The following WHRN variants were observed in gnomAD, a reference collection of about 807,000 sequenced individuals.
WHRN encodes whirlin.
WHRN carries 41 observed loss-of-function variants against 68.3 expected under a neutral mutation model. The ratio of observed to expected loss-of-function variants is 0.60; its 90% CI spans 0.47 to 0.78. WHRN has a LOEUF of 0.78. Ranked by LOEUF, WHRN falls within the 30% of genes least tolerant of loss-of-function variation. The pLI is 0.00. For synonymous variants in WHRN, 560 were observed against 561.3 expected (o/e 1.00, Z 0.03); for missense variants, 1,243 against 1,244.7 (o/e 1.00, Z 0.02).
Position 114,486,908 on chromosome 9 carries a change from A to AGAGAGT in WHRN, c.619-8138_619-8137insACTCTC, listed in dbSNP as rs1564217056. 2.7e-3 allele frequency among the ~76,000 whole-genome samples: 91 copies of AGAGAGT among 34,104 alleles called. 4 individuals are homozygous for AGAGAGT. Among genetic ancestry groups the AGAGAGT allele is most frequent in the African/African-American group, 4.9e-3 (90 of 18,344 alleles). The allele number at this position is 34,104 out of a possible 152,430, so 22.4% of individuals were successfully genotyped here. A position where few individuals can be genotyped will look rare whatever the true frequency, so the allele number is the denominator to read the frequency against. On this transcript the variant is annotated intron_variant, in intron 1 of 11. Transcript: ENST00000362057. ...TTAGTGTGTGTGTGTGTGTGTGTAG[A>AGAGAGT]GTGTGTGTGTGTGTGTAGAGTGTGT... is the stretch of plus-strand genomic sequence containing the variant.
intron 7 of WHRN, among the ~76,000 whole-genome samples, chr9:114,414,249 C>T (rs117971768): frequency 6.6e-6 from 1 of 152,288 alleles, no homozygotes; most frequent in Non-Finnish European, 1.5e-5. Flanking sequence ...CACTTCTTGG[C>T]TTCACAGTTA....
intron 1 of WHRN, 78 bp downstream of exon 1, chr9:114,504,106 C>A: frequency 2.5e-6 from 4 of 1,603,768 alleles, no homozygotes; most frequent in Non-Finnish European, 3.4e-6. Context: ...TCTAAGGACA[C>A]ACAGCATGGA....
intron 1 of WHRN, among the ~76,000 whole-genome samples, chr9:114,490,914 C>T (rs1842922063): frequency 6.6e-6 from 1 of 152,204 alleles, no homozygotes; most frequent in African/African-American, 2.4e-5. Flanking sequence ...TGCAATTCTT[C>T]AATTATCCTC....
At chr9:114,492,774 C>T (rs1248982680) in intron 1 of WHRN, among the ~76,000 whole-genome samples, 1 of 151,910 alleles carries the variant, frequency 6.6e-6, no homozygotes, top group Non-Finnish European at 1.5e-5. Context: ...TTGCTTGAGC[C>T]CAAGAGCTCA....
At chr9:114,422,631 C>T (rs964789874) in intron 7 of WHRN, among the ~76,000 whole-genome samples, 3 of 151,928 alleles carry the variant, frequency 2.0e-5, no homozygotes. Flanking sequence ...GTCAGGAGTT[C>T]GAGACCAGCC....
chr9:114,421,143 A>C (rs1195501218), intron 7 of WHRN, among the ~76,000 whole-genome samples: 2 of 152,200 alleles, frequency 1.3e-5, no homozygotes, highest in Non-Finnish European at 2.9e-5. Context: ...AACTCCCTGT[A>C]TAAAACCACC....
intron 1 of WHRN, chr9:114,491,810 C>G (rs558305361): frequency 7.6e-6 from 2 of 264,304 alleles, no homozygotes; most frequent in Middle Eastern, 4.2e-4. Context: ...ACCATGCCCA[C>G]GTCTCCTCCT....
intron 3 of WHRN, among the ~76,000 whole-genome samples, chr9:114,464,086 A>C (rs750567436): frequency 4.6e-5 from 7 of 152,234 alleles, no homozygotes; most frequent in Non-Finnish European, 8.8e-5. Context: ...GTATCCCACA[A>C]ATGTACACAC....
chr9:114,472,149 C>T (rs1051743449), intron 2 of WHRN, among the ~76,000 whole-genome samples: 7 of 152,350 alleles, frequency 4.6e-5, no homozygotes, highest in Admixed American at 2.0e-4. Flanking sequence ...GATGAGGATG[C>T]GTGGGCTCCC....
chr9:114,469,629 C>T (rs898011372), intron 2 of WHRN, among the ~76,000 whole-genome samples: 3 of 152,216 alleles, frequency 2.0e-5, no homozygotes, highest in African/African-American at 7.2e-5. Flanking sequence ...TCCAGAGCTC[C>T]CTGTGGGACC....
At chr9:114,403,528 C>T (rs1834818131) in intron 10 of WHRN, among the ~76,000 whole-genome samples, 189 bp from the exon 11 acceptor site, 1 of 152,200 alleles carries the variant, frequency 6.6e-6, no homozygotes, top group African/African-American at 2.4e-5. Flanking sequence ...CACCAAAATC[C>T]CCGAGGCTCA....
intron 6 of WHRN, 123 bp from the exon 7 acceptor site, chr9:114,423,646 G>A: frequency 1.1e-6 from 1 of 895,624 alleles, no homozygotes; most frequent in Non-Finnish European, 1.7e-6. Context: ...TAACTGTCTG[G>A]CTCCCCAGTG....
intron 1 of WHRN, among the ~76,000 whole-genome samples, chr9:114,484,143 C>T (rs1430011027): frequency 1.3e-5 from 2 of 152,308 alleles, no homozygotes; most frequent in East Asian, 1.9e-4. Context: ...TGGCAGGATA[C>T]GCACCCCAAC....
intron 2 of WHRN, among the ~76,000 whole-genome samples, chr9:114,467,151 T>C (rs1370535780): frequency 6.6e-6 from 1 of 151,648 alleles, no homozygotes; most frequent in Middle Eastern, 3.2e-3. Context: ...GGGTCTCCTA[T>C]CACCTGGGGG....
Position 114,402,650 on chromosome 9 carries a change from TG to T in WHRN, c.*103del. 7.0e-7 allele frequency: 1 copy of T among 1,438,658 alleles called. No individual in the cohort carries two copies. 89.1% of individuals were successfully genotyped at this position (1,438,658 alleles called of 1,614,324 possible). A position where few individuals can be genotyped will look rare whatever the true frequency, so the allele number is the denominator to read the frequency against. ...GAGGGGGGATGTCTTCCTGCCACCC[TG>T]GCCATGCAGCCCCAACCCCGCAAGG... On this transcript the variant is annotated 3_prime_UTR_variant, in exon 12 of 12. Transcript: ENST00000362057.
chr9:114,497,515 T>TA (rs1199073806), intron 1 of WHRN, among the ~76,000 whole-genome samples: 58 of 121,368 alleles, frequency 4.8e-4, no homozygotes, highest in South Asian at 1.4e-3. Flanking sequence ...TTTTTTGTTT[T>TA]TAAAAAAAAA....
chr9:114,465,954 G>C (rs1218342652), intron 3 of WHRN, among the ~76,000 whole-genome samples: 4 of 152,224 alleles, frequency 2.6e-5, no homozygotes, highest in Non-Finnish European at 5.9e-5. Context: ...CCCCAACCCA[G>C]CTTATCACTT....
rs572671060 is a variant in WHRN at position 114,504,783 on chromosome 9, C to A, written c.19G>T (p.Gly7Cys). The change falls in exon 1 of 12, where the codon GGC becomes TGC. Residue 7 changes from glycine (G) to cysteine (C), a missense_variant. Gly to Cys is a radical substitution (Grantham distance 159, BLOSUM62 -3). Coordinates refer to ENST00000362057, the MANE Select transcript of WHRN (RefSeq NM_015404.4). Reference protein sequence around the residue: MNAPLDGLSVSSSSTGS... With the variant: MNAPLDCLSVSSSSTGS... ...GTGGAGGACGAGCTCACCGACAGGC[C>A]GTCCAGCGGCGCGTTCATCTCCACG... 3 of 1,459,668 alleles carry A rather than the reference C, an allele frequency of 2.1e-6. No homozygotes were observed. The highest frequency in any genetic ancestry group is 5.5e-5 in the East Asian group (2 of 36,164). 90.4% of individuals were successfully genotyped at this position (1,459,668 alleles called of 1,614,324 possible).
intron 7 of WHRN, among the ~76,000 whole-genome samples, chr9:114,419,819 G>A (rs1168403102): frequency 6.6e-6 from 1 of 152,192 alleles, no homozygotes; most frequent in African/African-American, 2.4e-5. Context: ...AGGTCTCACA[G>A]CAAGAAAGTG....
Sources: gnomAD v4.1 joint callset for allele counts (sites outside exome capture counted in the v4.1 genomes callset) on GRCh38, gnomAD v4.1.1 for gene constraint, MANE v1.5 for transcripts, NCBI Gene and HGNC (gene_info 2026-07-23, HGNC 2026-07-21) for gene names.